KLHL2: variants seen among roughly 807,000 people sequenced by gnomAD.
The protein encoded by KLHL2 is kelch like family member 2, also known as kelch-like protein 2.
Under a neutral mutation model 75.8 loss-of-function variants are expected in KLHL2, and 15 were observed. The observed-to-expected ratio is 0.20, with a 90% CI of 0.13 to 0.30. The LOEUF (loss-of-function observed/expected upper bound fraction) is 0.30. Among genes scored for constraint, KLHL2 ranks in the 10% least tolerant of loss-of-function variants. The pLI is 1.00. For missense variants in KLHL2, 381 were observed against 741.0 expected (o/e 0.51, Z 5.64); for synonymous variants, 214 against 251.9 (o/e 0.85, Z 1.42).
intron 4 of KLHL2, among the ~76,000 whole-genome samples, chr4:165,246,561 T>C (rs1284466630): frequency 2.0e-5 from 3 of 151,962 alleles, no homozygotes; most frequent in South Asian, 2.1e-4. Flanking sequence ...TTGGGAGATA[T>C]TTGGAGGTAG....
chr4:165,212,654 C>G (rs1354950226), intron 1 of KLHL2, among the ~76,000 whole-genome samples: 13 of 152,152 alleles, frequency 8.5e-5, no homozygotes, highest in Admixed American at 2.0e-4. Context: ...CTCACTTAGT[C>G]TTGTCAACAA....
chr4:165,241,785 A>AT (rs1019532198), intron 4 of KLHL2, among the ~76,000 whole-genome samples: 9 of 152,160 alleles, frequency 5.9e-5, no homozygotes, highest in African/African-American at 2.2e-4. Context: ...CCATGATACC[A>AT]TATGGTCTCC....
intron 4 of KLHL2, among the ~76,000 whole-genome samples, chr4:165,243,345 G>A (rs1739975854): frequency 6.6e-6 from 1 of 152,210 alleles, no homozygotes; most frequent in Non-Finnish European, 1.5e-5. Flanking sequence ...AGGTAATGCT[G>A]TTAATAAACA....
At chr4:165,313,093 T>C in intron 11 of KLHL2, 145 bp from the exon 12 acceptor site, 1 of 709,636 alleles carries the variant, frequency 1.4e-6, no homozygotes, top group Non-Finnish European at 2.3e-6. Flanking sequence ...GACCCTAATA[T>C]ATTTCATAAA....
intron 4 of KLHL2, among the ~76,000 whole-genome samples, chr4:165,251,845 G>A (rs1410819911): frequency 3.9e-5 from 6 of 151,938 alleles, no homozygotes; most frequent in African/African-American, 1.2e-4. Flanking sequence ...TCCTGACCTC[G>A]TGATCCGCCC....
intron 7 of KLHL2, among the ~76,000 whole-genome samples, chr4:165,298,035 C>T (rs1745050358): frequency 1.3e-5 from 2 of 152,176 alleles, no homozygotes. Flanking sequence ...GTTGGCCAGG[C>T]TGGTCTCGAA....
chr4:165,310,859 T>G (rs1003362712), intron 10 of KLHL2, 109 bp downstream of exon 10: 672 of 757,098 alleles, frequency 8.9e-4, no homozygotes, highest in East Asian at 3.5e-3. Context: ...TTTTGTGTTT[T>G]TTTTTTTTTT....
At chr4:165,304,180 C>T (rs1745559271) in intron 8 of KLHL2, among the ~76,000 whole-genome samples, 1 of 152,138 alleles carries the variant, frequency 6.6e-6, no homozygotes, top group African/African-American at 2.4e-5. Flanking sequence ...CATACCTGGC[C>T]AAGAAGAATA....
At chr4:165,217,394 C>T (rs1405153144) in intron 1 of KLHL2, among the ~76,000 whole-genome samples, 1 of 152,154 alleles carries the variant, frequency 6.6e-6, no homozygotes, top group Non-Finnish European at 1.5e-5. Context: ...GAATGTTCTG[C>T]CATCTTTTTG....
intron 1 of KLHL2, among the ~76,000 whole-genome samples, chr4:165,215,819 T>C (rs1200365248): frequency 6.6e-6 from 1 of 152,166 alleles, no homozygotes; most frequent in Non-Finnish European, 1.5e-5. Flanking sequence ...CAGGACATAT[T>C]ACATGACTTT....
At chr4:165,308,374 A>G (rs761423754) in intron 9 of KLHL2, among the ~76,000 whole-genome samples, 24 of 152,212 alleles carry the variant, frequency 1.6e-4, no homozygotes, top group Non-Finnish European at 2.8e-4. Context: ...TTATTGGGTA[A>G]CTATGAATAA....
intron 5 of KLHL2, among the ~76,000 whole-genome samples, chr4:165,264,752 A>G (rs549618260): frequency 2.9e-4 from 24 of 83,580 alleles, no homozygotes; most frequent in African/African-American, 5.4e-4. Context: ...ATATATATAT[A>G]TATATATATA....
At chr4:165,313,950 G>T in intron 12 of KLHL2, 76 bp from the exon 13 acceptor site, 1 of 1,410,688 alleles carries the variant, frequency 7.1e-7, no homozygotes, top group South Asian at 1.5e-5. Context: ...TTAGTTACAA[G>T]TCATTTAAAT....
At chr4:165,284,945 T>A (rs1162520802) in intron 5 of KLHL2, among the ~76,000 whole-genome samples, 2 of 152,114 alleles carry the variant, frequency 1.3e-5, no homozygotes, top group Non-Finnish European at 2.9e-5. Context: ...AACCGTCAGA[T>A]CTCGTGAGAC....
intron 4 of KLHL2, among the ~76,000 whole-genome samples, chr4:165,262,068 A>G (rs1741720584): frequency 6.6e-6 from 1 of 152,136 alleles, no homozygotes. Flanking sequence ...ACTTTCAAAT[A>G]TGGTCCTTTA....
At chr4:165,307,030 C>A (rs1325272447) in intron 9 of KLHL2, among the ~76,000 whole-genome samples, 1 of 152,108 alleles carries the variant, frequency 6.6e-6, no homozygotes, top group East Asian at 1.9e-4. Flanking sequence ...TTATGTGGGG[C>A]CAGGCGCAGT....
chr4:165,234,590 T>C (rs1300748678), intron 3 of KLHL2, among the ~76,000 whole-genome samples: 2 of 151,658 alleles, frequency 1.3e-5, no homozygotes, highest in Non-Finnish European at 2.9e-5. Flanking sequence ...TCAGGAGTCC[T>C]GATTAAAGAT....
rs557769438 is a variant in KLHL2, at chr4:165,274,965, G to A, written c.544+11606G>A. ...AGCGTGGCACTGGCAGTGACAGCCT[G>A]TCGCACTGACCACCCTGCTTCTCCA... On this transcript the variant is annotated intron_variant, in intron 5 of 14. Coordinates refer to ENST00000226725, the MANE Select transcript of KLHL2 (RefSeq NM_007246.4). Among the ~76,000 whole-genome samples, 317 of 152,304 alleles carry A rather than the reference G, an allele frequency of 2.1e-3. 2 individuals carry two copies. Among genetic ancestry groups the A allele is most frequent in the African/African-American group, 6.7e-3 (277 of 41,578 alleles).
chr4:165,222,344 A>G (rs930463599), intron 2 of KLHL2, among the ~76,000 whole-genome samples: 2 of 152,040 alleles, frequency 1.3e-5, no homozygotes, highest in East Asian at 1.9e-4. Flanking sequence ...GCCTGGCCCT[A>G]GGATTATTTA....
Sources: allele counts gnomAD v4.1 joint callset (sites outside exome capture counted in the v4.1 genomes callset), GRCh38; gene constraint gnomAD v4.1.1; transcripts MANE v1.5; gene names NCBI Gene and HGNC (gene_info 2026-07-23, HGNC 2026-07-21).